Variants in HCFC2 observed in about 807,000 individuals in gnomAD.
The protein encoded by HCFC2 is host cell factor C2, also known as host cell factor 2.
A neutral mutation model predicts 89.2 loss-of-function variants in HCFC2; 18 were observed. The ratio of observed to expected loss-of-function variants is 0.20; its 90% CI spans 0.14 to 0.30. The LOEUF is 0.30. Among genes scored for constraint, HCFC2 ranks in the 10% least tolerant of loss-of-function variants. The probability of loss-of-function intolerance (pLI) is 1.00; values close to 1 mark genes in which losing one functional copy is unlikely to be tolerated. For missense variants in HCFC2, 578 were observed against 956.1 expected (o/e 0.60, Z 5.21); for synonymous variants, 308 against 335.7 (o/e 0.92, Z 0.90).
intron 3 of HCFC2, among the ~76,000 whole-genome samples, chr12:104,075,697 C>T (rs1033912164): frequency 1.3e-5 from 2 of 152,170 alleles, no homozygotes; most frequent in African/African-American, 4.8e-5. Flanking sequence ...TGGCCTCAAG[C>T]AGTCCTCCTA....
Position 104,095,482 on chromosome 12 carries a change from A to G in HCFC2, c.1585A>G (p.Ile529Val), listed in dbSNP as rs765483436. ...STQTMVTQQTIKTESSSTNGA... is the reference protein window; with the variant it reads ...STQTMVTQQTVKTESSSTNGA... ...ACAAACTATGGTAACCCAGCAGACC[A>G]TTAAAACTGAATCATCCAGTACAAA... The change falls in exon 11 of 15, where the codon ATT (isoleucine) becomes GTT (valine). Residue 529 changes from isoleucine to valine, a missense_variant. Ile to Val is a conservative substitution (Grantham distance 29). Around this residue, in one of 4 missense-constraint regions of HCFC2, gnomAD observed 210 missense variants for 251.7 expected, o/e 0.83. Transcript: ENST00000229330. The surrounding 1 kb of genome is among the most constrained non-coding windows in gnomAD (Gnocchi z 4.2). The G allele has an allele frequency of 5.0e-6, 8 of 1,613,690 alleles. No homozygotes were observed. In the African/African-American group the frequency reaches 9.3e-5, roughly 19 times the overall value.
At chr12:104,081,641 T>C (rs1290507094) in intron 5 of HCFC2, among the ~76,000 whole-genome samples, 1 of 150,926 alleles carries the variant, frequency 6.6e-6, no homozygotes, top group Non-Finnish European at 1.5e-5. Context: ...CCAAACAGGA[T>C]GGTCTTTACA....
intron 3 of HCFC2, among the ~76,000 whole-genome samples, chr12:104,071,604 T>C (rs1883329019): frequency 6.6e-6 from 1 of 152,216 alleles, no homozygotes; most frequent in Non-Finnish European, 1.5e-5. Context: ...TTTTATTTTT[T>C]TGAGAAAGGG....
intron 3 of HCFC2, among the ~76,000 whole-genome samples, chr12:104,078,941 T>C (rs1883595214): frequency 1.3e-5 from 2 of 152,162 alleles, no homozygotes; most frequent in East Asian, 1.9e-4. Context: ...TTTATGGGAG[T>C]TGAACTTCTT....
In HCFC2 at chr12:104,098,471, C is replaced by T. The variant is rs1408505225; in HGVS notation, c.1869C>T (p.Ser623=). ...ATTTGCTGCCAAAAGGGAAGCAAAG[C>T]ATCTCAAAGGTAGCTATTGATATAT... ...QFYLLPKGKQ[S]ISKVGNADVP... is the part of the protein sequence containing the mutation. The change falls in exon 13 of 15, where the codon AGC becomes AGT. Residue 623 remains serine, a synonymous_variant. Coordinates refer to ENST00000229330, the MANE Select transcript of HCFC2 (RefSeq NM_013320.3). The T allele has an allele frequency of 3.1e-6, 5 of 1,602,748 alleles. No individual in the cohort carries two copies. The highest frequency in any genetic ancestry group is 4.3e-6 in the Non-Finnish European group (5 of 1,175,808).
chr12:104,065,661 ACT>A (rs965963322), intron 1 of HCFC2, among the ~76,000 whole-genome samples: 2 of 152,184 alleles, frequency 1.3e-5, no homozygotes, highest in Non-Finnish European at 2.9e-5. Context: ...GTAAAAAGTT[ACT>A]GACACTTTGG....
Position 104,080,838 on chromosome 12 carries a change from G to T in HCFC2, c.767+8G>T. The T allele has an allele frequency of 6.4e-7, 1 of 1,572,618 alleles. No individual in the cohort carries two copies. Among genetic ancestry groups the T allele is most frequent in the South Asian group, 1.2e-5 (1 of 85,294 alleles). On this transcript the variant is annotated splice_region_variant and intron_variant, in intron 5 of 14. Coordinates refer to ENST00000229330, the MANE Select transcript of HCFC2 (RefSeq NM_013320.3). Reference sequence around the variant, plus strand: ...CAGTGTTATAGGAAACAAGTATGGTGGTTTTTTGTATTTTGCTTCTGTTTT... The same window carrying T: ...CAGTGTTATAGGAAACAAGTATGGTTGTTTTTTGTATTTTGCTTCTGTTTT...
intron 13 of HCFC2, among the ~76,000 whole-genome samples, chr12:104,099,381 A>G (rs964126879): frequency 2.0e-5 from 3 of 152,114 alleles, no homozygotes; most frequent in African/African-American, 7.2e-5. Context: ...TCATATCACC[A>G]AGTTACATTG....
intron 13 of HCFC2, among the ~76,000 whole-genome samples, chr12:104,101,187 A>T (rs2136630757): frequency 6.6e-6 from 1 of 152,328 alleles, no homozygotes; most frequent in South Asian, 2.1e-4. Context: ...ATTTTAATTT[A>T]AAAAATGCTC....
chr12:104,093,083 A>G (rs1291480474), intron 9 of HCFC2, among the ~76,000 whole-genome samples: 2 of 152,146 alleles, frequency 1.3e-5, no homozygotes, highest in Non-Finnish European at 2.9e-5. Context: ...TGTGTTATAT[A>G]TGTATTTGCT....
At chr12:104,071,407 A>G (rs916176416) in intron 3 of HCFC2, among the ~76,000 whole-genome samples, 21 of 152,206 alleles carry the variant, frequency 1.4e-4, no homozygotes, top group African/African-American at 4.8e-4. Context: ...GGTTACATAC[A>G]ATGCTTTTTA....
At chr12:104,073,645 T>C (rs544093823) in intron 3 of HCFC2, among the ~76,000 whole-genome samples, 39 of 152,252 alleles carry the variant, frequency 2.6e-4, no homozygotes, top group Non-Finnish European at 3.7e-4. Flanking sequence ...AGAACATTAA[T>C]GCATTTGTGA....
In HCFC2 at chr12:104,086,863, A is replaced by G. The variant is rs1315795162; in HGVS notation, c.1080A>G (p.Pro360=). 1 of 1,613,858 alleles carries G rather than the reference A, an allele frequency of 6.2e-7. No individual in the cohort carries two copies. Among genetic ancestry groups the G allele is most frequent in the South Asian group, 1.1e-5 (1 of 91,074 alleles). The part of the protein sequence containing the change: ...WYLDTEKPPA[P]SQVQLIKATT... ...GTTCTATAGAGAAACCACCGGCACC[A>G]TCTCAAGTACAGCTGATCAAAGCCA... The change falls in exon 8 of 15, where the codon CCA becomes CCG. Residue 360 remains proline (P), a synonymous_variant. Coordinates refer to ENST00000229330, the MANE Select transcript of HCFC2 (RefSeq NM_013320.3).
chr12:104,076,736 T>G (rs190003394), intron 3 of HCFC2, among the ~76,000 whole-genome samples: 17 of 151,044 alleles, frequency 1.1e-4, no homozygotes, highest in Admixed American at 1.1e-3. Flanking sequence ...AGATTTTGTC[T>G]TATAATAGGG....
At chr12:104,065,987 G>A (rs1293997774) in intron 1 of HCFC2, among the ~76,000 whole-genome samples, 180 bp from the exon 2 acceptor site, 1 of 151,968 alleles carries the variant, frequency 6.6e-6, no homozygotes, top group Non-Finnish European at 1.5e-5. Context: ...CCTACTAGAT[G>A]CCAGTAACAG....
At chr12:104,070,659 A>AC (rs1407291735) in intron 3 of HCFC2, among the ~76,000 whole-genome samples, 1 of 152,168 alleles carries the variant, frequency 6.6e-6, no homozygotes, top group African/African-American at 2.4e-5. Flanking sequence ...ATGTCTTTTT[A>AC]CCTGCATTAG....
At chr12:104,089,308 C>T (rs531734190) in intron 9 of HCFC2, among the ~76,000 whole-genome samples, 29 of 152,018 alleles carry the variant, frequency 1.9e-4, no homozygotes, top group African/African-American at 5.8e-4. Context: ...GTCAGAAGAT[C>T]GAGACTATCC....
At position 104,085,558 on chromosome 12, in the gene HCFC2, C is replaced by T. The variant is rs577532387; in HGVS notation, c.1064-1289C>T. ...AATTGGATTTGAATGGCCTGTTTTTCTATAAACCTTTTCATAATGAGCTTT... is the reference window on the plus strand; with the variant it reads ...AATTGGATTTGAATGGCCTGTTTTTTTATAAACCTTTTCATAATGAGCTTT... On this transcript the variant is annotated intron_variant, in intron 7 of 14. Transcript: ENST00000229330. Among the ~76,000 whole-genome samples, 4 of 152,212 alleles carry T rather than the reference C, an allele frequency of 2.6e-5. No homozygotes were observed. The South Asian group carries it at 8.3e-4, about 32-fold the overall frequency.
At chr12:104,072,866 G>A (rs1211558114) in intron 3 of HCFC2, among the ~76,000 whole-genome samples, 5 of 151,912 alleles carry the variant, frequency 3.3e-5, no homozygotes, top group Middle Eastern at 6.8e-3. Flanking sequence ...GGATGGTCTC[G>A]ATCTCCTGAC....
Sources: allele counts gnomAD v4.1 joint callset (sites outside exome capture counted in the v4.1 genomes callset), GRCh38; gene constraint gnomAD v4.1.1; regional missense constraint gnomAD v4.1.1; non-coding constraint Gnocchi (gnomAD v3.1); transcripts MANE v1.5; gene names NCBI Gene and HGNC (gene_info 2026-07-23, HGNC 2026-07-21).